Variants in FKBP9 observed in about 807,000 individuals in gnomAD.
FKBP9 encodes the protein FKBP prolyl isomerase 9.
Under a neutral mutation model 55.6 loss-of-function variants are expected in FKBP9, and 27 were observed. The ratio of observed to expected loss-of-function variants is 0.49; its 90% CI spans 0.36 to 0.67. The LOEUF is 0.67. Ranked by LOEUF, FKBP9 falls within the 30% of genes least tolerant of loss-of-function variation. The probability of loss-of-function intolerance (pLI) is 0.00; values close to 1 mark genes in which losing one functional copy is unlikely to be tolerated. For missense variants in FKBP9, 539 were observed against 742.8 expected (o/e 0.73, Z 3.19); for synonymous variants, 267 against 296.5 (o/e 0.90, Z 1.02).
intron 6 of FKBP9, among the ~76,000 whole-genome samples, chr7:32,994,539 A>G (rs1186974413): frequency 6.6e-6 from 1 of 151,782 alleles, no homozygotes; most frequent in Admixed American, 6.6e-5. Context: ...GGCCAATGGC[A>G]GGCTGTACTT....
rs2392202 is a variant in FKBP9, at chr7:33,005,437, C to T, written c.*86C>T. The T allele has an allele frequency of 6.8e-7, 1 of 1,476,502 alleles. No individual in the cohort carries two copies. Among genetic ancestry groups the T allele is most frequent in the Non-Finnish European group, 9.3e-7 (1 of 1,079,310 alleles). The allele number at this position is 1,476,502 out of a possible 1,614,324, so 91.5% of individuals were successfully genotyped here. On this transcript the variant is annotated 3_prime_UTR_variant, in exon 10 of 10. Transcript: ENST00000242209. ...ACGTGCAGTGAGGGTGCAAGGGTCT[C>T]TCAGAAGTTGCATCATTAGCCAGTA...
At chr7:33,004,058 C>G (rs1001697816) in intron 9 of FKBP9, among the ~76,000 whole-genome samples, 3 of 152,062 alleles carry the variant, frequency 2.0e-5, no homozygotes, top group African/African-American at 7.2e-5. Context: ...GTGGCTCAGG[C>G]GAGAGCACTC....
At chr7:32,978,919 T>A (rs960753482) in intron 4 of FKBP9, among the ~76,000 whole-genome samples, 3 of 152,218 alleles carry the variant, frequency 2.0e-5, no homozygotes, top group African/African-American at 7.2e-5. Context: ...GAATTATATC[T>A]CTGCAAAGTT....
At chr7:32,995,329 A>T (rs1324330326) in intron 6 of FKBP9, among the ~76,000 whole-genome samples, 5 of 152,244 alleles carry the variant, frequency 3.3e-5, no homozygotes, top group Middle Eastern at 3.4e-3. Flanking sequence ...AGGTAACATG[A>T]TTTTAAAATA....
chr7:32,985,141 G>A (rs945763565), intron 5 of FKBP9, among the ~76,000 whole-genome samples: 1 of 151,350 alleles, frequency 6.6e-6, no homozygotes, highest in African/African-American at 2.4e-5. Context: ...TCTTCATAGG[G>A]AACCAGTGTT....
At chr7:32,999,249 C>T (rs1233657948) in intron 7 of FKBP9, among the ~76,000 whole-genome samples, 3 of 152,086 alleles carry the variant, frequency 2.0e-5, no homozygotes, top group African/African-American at 4.8e-5. Context: ...CCCAAAGGGG[C>T]ACCCGTCCAT....
At chr7:32,970,926 A>G (rs1784239538) in intron 1 of FKBP9, among the ~76,000 whole-genome samples, 1 of 150,352 alleles carries the variant, frequency 6.7e-6, no homozygotes, top group South Asian at 2.1e-4. Context: ...CATGCTGAAT[A>G]GAAGTGTTGA....
intron 8 of FKBP9, 72 bp from the exon 9 acceptor site, chr7:33,002,604 G>A (rs1364392388): frequency 1.3e-6 from 2 of 1,577,830 alleles, no homozygotes; most frequent in East Asian, 2.3e-5. Context: ...GGAGGTTGGG[G>A]TGGGTGCTGG....
chr7:32,976,086 C>A (rs372927346), intron 3 of FKBP9, among the ~76,000 whole-genome samples: 3 of 152,186 alleles, frequency 2.0e-5, no homozygotes, highest in African/African-American at 7.2e-5. Flanking sequence ...GGGAACCCTT[C>A]GCAATTTCTT....
intron 4 of FKBP9, among the ~76,000 whole-genome samples, chr7:32,979,140 G>T (rs1481559220): frequency 6.6e-6 from 1 of 152,044 alleles, no homozygotes; most frequent in Non-Finnish European, 1.5e-5. Flanking sequence ...GTGGTGGCAG[G>T]TGCCTGTAAT....
At chr7:32,987,001 A>G (rs1480987895) in intron 5 of FKBP9, among the ~76,000 whole-genome samples, 7 of 152,212 alleles carry the variant, frequency 4.6e-5, no homozygotes, top group Admixed American at 4.6e-4. Context: ...TCATGGTAAT[A>G]GAATCACTCA....
intron 1 of FKBP9, among the ~76,000 whole-genome samples, chr7:32,970,230 T>G (rs571639024): frequency 6.6e-6 from 1 of 152,142 alleles, no homozygotes; most frequent in Non-Finnish European, 1.5e-5. Flanking sequence ...AGAGTCTCGC[T>G]CTGTCGCCCA....
At chr7:32,978,737 T>C (rs1247822590) in intron 4 of FKBP9, among the ~76,000 whole-genome samples, 1 of 152,170 alleles carries the variant, frequency 6.6e-6, no homozygotes, top group Non-Finnish European at 1.5e-5. Flanking sequence ...CCAGATCCTT[T>C]TGTCATCAGC....
intron 6 of FKBP9, among the ~76,000 whole-genome samples, chr7:32,995,569 G>A (rs1562574311): frequency 3.3e-5 from 5 of 152,168 alleles, no homozygotes; most frequent in Admixed American, 2.6e-4. Flanking sequence ...TTCAAAATTG[G>A]AAATTATGGA....
intron 6 of FKBP9, among the ~76,000 whole-genome samples, chr7:32,993,695 C>T (rs943014386): frequency 2.0e-5 from 3 of 151,968 alleles, no homozygotes; most frequent in Admixed American, 6.6e-5. Flanking sequence ...TGTGGTGGTA[C>T]GCGTCTGTAA....
At chr7:32,985,174 CTTTCTTT>C (rs1562570042) in intron 5 of FKBP9, among the ~76,000 whole-genome samples, 11 of 124,402 alleles carry the variant, frequency 8.8e-5, no homozygotes, top group African/African-American at 2.5e-4. Flanking sequence ...TTCTTTCTTT[CTTTCTTT>C]TTTTTTTTTT....
intron 5 of FKBP9, among the ~76,000 whole-genome samples, chr7:32,987,629 G>A (rs995763290): frequency 1.1e-4 from 17 of 152,228 alleles, no homozygotes; most frequent in South Asian, 2.1e-4. Context: ...TAAGGGCTAC[G>A]TTCGATTCTG....
intron 1 of FKBP9, among the ~76,000 whole-genome samples, chr7:32,973,180 C>G (rs1404307833): frequency 2.0e-5 from 3 of 152,128 alleles, no homozygotes; most frequent in African/African-American, 7.2e-5. Context: ...ATGCCTTGTA[C>G]TTTATATCCC....
chr7:32,994,941 A>C (rs1784755112), intron 6 of FKBP9: 1 of 169,574 alleles, frequency 5.9e-6, no homozygotes, highest in Non-Finnish European at 1.3e-5. Flanking sequence ...CTCTTGAATA[A>C]GTAATATCAT....
Sources: allele counts gnomAD v4.1 joint callset (sites outside exome capture counted in the v4.1 genomes callset), GRCh38; gene constraint gnomAD v4.1.1; transcripts MANE v1.5; gene names NCBI Gene and HGNC (gene_info 2026-07-23, HGNC 2026-07-21).